CCNB1IP1: variants seen among roughly 807,000 people sequenced by gnomAD.
CCNB1IP1 encodes the protein E3 ubiquitin-protein ligase CCNB1IP1.
Under a neutral mutation model 25.6 loss-of-function variants are expected in CCNB1IP1, and 14 were observed. That is an observed-to-expected ratio of 0.55 (90% confidence interval 0.36 to 0.85). The LOEUF (loss-of-function observed/expected upper bound fraction) is 0.85. Among genes scored for constraint, CCNB1IP1 ranks in the 40% least tolerant of loss-of-function variants. The probability of loss-of-function intolerance (pLI) is 0.01; values close to 1 mark genes in which losing one functional copy is unlikely to be tolerated. For synonymous variants in CCNB1IP1, 119 were observed against 116.1 expected (o/e 1.02, Z -0.16); for missense variants, 278 against 342.4 (o/e 0.81, Z 1.48).
chr14:20,330,190 T>C (rs4981153), intron 1 of CCNB1IP1, among the ~76,000 whole-genome samples: 48,070 of 151,488 alleles, frequency 0.32, 8,477 homozygotes, highest in African/African-American at 0.47. Flanking sequence ...AACGAATTTA[T>C]GCAAAAACAG....
chr14:20,326,028 G>A (rs372577676), intron 3 of CCNB1IP1, among the ~76,000 whole-genome samples: 23 of 151,970 alleles, frequency 1.5e-4, no homozygotes, highest in African/African-American at 2.4e-4. Flanking sequence ...CATGAATACC[G>A]TTCTATTTCA....
chr14:20,330,123 AAAC>A (rs1883190754), intron 1 of CCNB1IP1, among the ~76,000 whole-genome samples: 1 of 151,582 alleles, frequency 6.6e-6, no homozygotes, highest in Non-Finnish European at 1.5e-5. Context: ...AAAAAACAAA[AAAC>A]ATGTCCTTTG....
chr14:20,315,525 C>T (rs1566399503), intron 5 of CCNB1IP1: 1 of 1,168,666 alleles, frequency 8.6e-7, no homozygotes, highest in Non-Finnish European at 1.1e-6. Flanking sequence ...AGATGACAAA[C>T]ATCCTTAAGA....
At chr14:20,322,652 T>C (rs1472381042) in intron 4 of CCNB1IP1, among the ~76,000 whole-genome samples, 1 of 149,750 alleles carries the variant, frequency 6.7e-6, no homozygotes, top group Non-Finnish European at 1.5e-5. Context: ...ACGGAGTATC[T>C]CACTCTGTCA....
rs1229014392 is a variant in CCNB1IP1, at chr14:20,311,618, C to G, written c.766G>C (p.Val256Leu). ...TGCTCTAATTCACGACTTGGAGAGA[C>G]AAAACTAAAAAAGCTGTTGCTGGGT... ...PEPSNSFFSF[V>L]SPSRELEQQQ... The change falls in exon 7 of 7, where the codon GTC becomes CTC. Residue 256 changes from valine (V) to leucine (L), a missense_variant. Coordinates refer to ENST00000358932, the MANE Select transcript of CCNB1IP1 (RefSeq NM_021178.5). The G allele has an allele frequency of 1.2e-6, 2 of 1,613,930 alleles. No individual in the cohort carries two copies. Among genetic ancestry groups the G allele is most frequent in the Non-Finnish European group, 1.7e-6 (2 of 1,179,990 alleles).
intron 2 of CCNB1IP1, among the ~76,000 whole-genome samples, chr14:20,327,946 C>T (rs1883125661): frequency 6.6e-6 from 1 of 152,160 alleles, no homozygotes; most frequent in Admixed American, 6.5e-5. Context: ...TCTCCCATTA[C>T]CCTAGTCACA....
intron 2 of CCNB1IP1, among the ~76,000 whole-genome samples, chr14:20,328,793 T>C (rs1173754213): frequency 6.6e-6 from 1 of 152,340 alleles, no homozygotes; most frequent in Non-Finnish European, 1.5e-5. Context: ...CAATGTGTGA[T>C]GCTTCCCTGC....
chr14:20,326,626 T>C (rs1594283465), intron 3 of CCNB1IP1, 90 bp downstream of exon 3: 1 of 422,374 alleles, frequency 2.4e-6, no homozygotes. Flanking sequence ...ATTACCAAAT[T>C]CCATCCACTA....
intron 2 of CCNB1IP1, among the ~76,000 whole-genome samples, chr14:20,328,301 A>G (rs1315062075): frequency 6.6e-6 from 1 of 152,214 alleles, no homozygotes; most frequent in East Asian, 1.9e-4. Context: ...ACACAGAGCT[A>G]AAGGTTTGCT....
intron 5 of CCNB1IP1, chr14:20,315,923 T>A (rs1018812573): frequency 2.2e-6 from 1 of 447,528 alleles, no homozygotes; most frequent in Non-Finnish European, 4.1e-6. Flanking sequence ...TGTCAACTCT[T>A]AACAATAAAA....
intron 6 of CCNB1IP1, among the ~76,000 whole-genome samples, chr14:20,312,890 T>C (rs1433893033): frequency 6.6e-6 from 1 of 152,062 alleles, no homozygotes; most frequent in African/African-American, 2.4e-5. Context: ...GAAAAATGAT[T>C]AGACAAAAGA....
In CCNB1IP1 at chr14:20,329,192, A is replaced by C. The variant is rs888174126; in HGVS notation, c.-249T>G. The C allele has an allele frequency of 4.6e-5, 7 of 152,220 alleles. No homozygotes were observed. The highest frequency in any genetic ancestry group is 1.7e-4 in the African/African-American group (7 of 41,454). The allele number at this position is 152,220 out of a possible 1,614,324, so 9.4% of individuals were successfully genotyped here. A position where few individuals can be genotyped will look rare whatever the true frequency, so the allele number is the denominator to read the frequency against. ...CACATACGTGTAATGAAGAGAACTT[A>C]AGGCAGCTTATCTTGATCAAAATTC... On this transcript the variant is annotated 5_prime_UTR_variant, in exon 2 of 7. It removes the in-frame stop codon of an upstream open reading frame in the 5' UTR. Coordinates refer to ENST00000358932, the MANE Select transcript of CCNB1IP1 (RefSeq NM_021178.5).
chr14:20,332,447 A>G (rs934248390), intron 1 of CCNB1IP1, among the ~76,000 whole-genome samples: 4 of 152,218 alleles, frequency 2.6e-5, no homozygotes, highest in Admixed American at 6.5e-5. Context: ...CTGTAAATAA[A>G]TAAGTACTGC....
At chr14:20,327,071 G>A (rs1027066672) in intron 2 of CCNB1IP1, among the ~76,000 whole-genome samples, 5 of 151,620 alleles carry the variant, frequency 3.3e-5, no homozygotes, top group African/African-American at 9.7e-5. Flanking sequence ...GTAAGACCCC[G>A]TCTCGAACAA....
intron 6 of CCNB1IP1, among the ~76,000 whole-genome samples, chr14:20,312,178 G>C (rs1334900417): frequency 6.6e-6 from 1 of 152,146 alleles, no homozygotes; most frequent in Non-Finnish European, 1.5e-5. Flanking sequence ...TGTACAAAAA[G>C]AGGAATGGGA....
chr14:20,312,009 G>A (rs754117326), intron 6 of CCNB1IP1, among the ~76,000 whole-genome samples: 1 of 152,088 alleles, frequency 6.6e-6, no homozygotes, highest in Non-Finnish European at 1.5e-5. Context: ...ATAGGCTTAA[G>A]ACAAGCAGAT....
intron 4 of CCNB1IP1, among the ~76,000 whole-genome samples, chr14:20,321,541 C>G (rs1370991906): frequency 6.6e-6 from 1 of 152,094 alleles, no homozygotes; most frequent in African/African-American, 2.4e-5. Context: ...CAACCTCCGC[C>G]TCCCGGGTTC....
At position 20,333,262 on chromosome 14, in the gene CCNB1IP1, C is replaced by G. The variant is rs1883306389; in HGVS notation, c.-439G>C. On this transcript the variant is annotated 5_prime_UTR_variant, in exon 1 of 7. Coordinates refer to ENST00000358932, the MANE Select transcript of CCNB1IP1 (RefSeq NM_021178.5). ...ATTAAGCGCACACTCACCAGCCCAC[C>G]AAAACGGAGAGGGAAAGAAAGTGGA... is the stretch of plus-strand genomic sequence containing the variant. The G allele has an allele frequency of 6.6e-6, 1 of 152,250 alleles. No individual in the cohort carries two copies. Among genetic ancestry groups the G allele is most frequent in the African/African-American group, 2.4e-5 (1 of 41,440 alleles). 9.4% of individuals were successfully genotyped at this position (152,250 alleles called of 1,614,324 possible). A position where few individuals can be genotyped will look rare whatever the true frequency, so the allele number is the denominator to read the frequency against.
At chr14:20,331,883 T>C (rs1883243902) in intron 1 of CCNB1IP1, among the ~76,000 whole-genome samples, 1 of 147,506 alleles carries the variant, frequency 6.8e-6, no homozygotes, top group African/African-American at 2.5e-5. Context: ...TTAGTAACAC[T>C]GTTATGAGGG....
Sources: allele counts gnomAD v4.1 joint callset (sites outside exome capture counted in the v4.1 genomes callset), GRCh38; gene constraint gnomAD v4.1.1; transcripts MANE v1.5; gene names NCBI Gene and HGNC (gene_info 2026-07-23, HGNC 2026-07-21).